Variants in F10 observed in about 807,000 individuals in gnomAD.
The protein encoded by F10 is Stuart-Prower factor.
A neutral mutation model predicts 37.1 loss-of-function variants in F10; 29 were observed. The ratio of observed to expected loss-of-function variants is 0.78; its 90% CI spans 0.58 to 1.07. F10 has a LOEUF of 1.07. Among genes scored for constraint, F10 ranks in the 50% least tolerant of loss-of-function variants. The pLI is 0.00. For synonymous variants in F10, 262 were observed against 268.6 expected (o/e 0.98, Z 0.24); for missense variants, 539 against 667.9 (o/e 0.81, Z 2.13).
At chr13:113,127,741 CATGT>C (rs1263597797) in intron 1 of F10, among the ~76,000 whole-genome samples, 1 of 152,138 alleles carries the variant, frequency 6.6e-6, no homozygotes, top group Non-Finnish European at 1.5e-5. Flanking sequence ...TGAAAGTTGG[CATGT>C]ATGTGTGTCC....
chr13:113,145,126 C>T (rs1441631554), intron 6 of F10, among the ~76,000 whole-genome samples: 20 of 152,294 alleles, frequency 1.3e-4, no homozygotes, highest in Non-Finnish European at 1.9e-4. Context: ...GTGATCTGCC[C>T]ACCTCAGCCT....
At position 113,141,085 on chromosome 13, in the gene F10, C is replaced by T. The variant is rs757491176; in HGVS notation, c.502+35C>T. The T allele has an allele frequency of 1.3e-5, 21 of 1,611,186 alleles. No homozygotes were observed. The highest frequency in any genetic ancestry group is 3.3e-5 in the Admixed American group (2 of 59,972). On this transcript the variant is annotated intron_variant, in intron 5 of 7. Coordinates refer to ENST00000375559, the MANE Select transcript of F10 (RefSeq NM_000504.4). The surrounding 1 kb of genome is among the most constrained non-coding windows in gnomAD (Gnocchi z 5.4). The stretch of plus-strand genomic sequence containing the variant: ...ACGTTGGGCCACAGCCACCCGCTGC[C>T]GCTGGGCCGGGCCAGGGAGGACAAG...
rs138587138 is a variant in F10, at chr13:113,141,005, C to T, written c.457C>T (p.Arg153Cys). The change falls in exon 5 of 8, where the codon CGC becomes TGC. Residue 153 changes from arginine (R) to cysteine (C), a missense_variant. Arg to Cys is a radical substitution (Grantham distance 180). This residue lies in a region of F10 where 409 missense variants were observed against 547.9 expected (regional missense o/e 0.75). Transcript: ENST00000375559. The surrounding 1 kb of genome is among the most constrained non-coding windows in gnomAD (Gnocchi z 5.4). ...GAACTCTGTGGTGTGCTCCTGCGCC[C>T]GCGGGTACACCCTGGCTGACAACGG... is the stretch of plus-strand genomic sequence containing the variant. ...EQNSVVCSCA[R>C]GYTLADNGKA... The T allele has an allele frequency of 8.7e-6, 14 of 1,613,978 alleles. No homozygotes were observed. The African/African-American group carries it at 1.3e-4, about 15-fold the overall frequency.
In F10 at chr13:113,124,276, C is replaced by T. The variant is rs45524134; in HGVS notation, c.70+1351C>T. ...GATGAGAAGACAGGCCAGGAGCCCA[C>T]CCAGACCCACAGGAGGAAACTAGGG... On this transcript the variant is annotated intron_variant, in intron 1 of 7. Transcript: ENST00000375559. Among the ~76,000 whole-genome samples the T allele has an allele frequency of 5.4e-3, 824 of 152,326 alleles. 16 individuals carry two copies. In the South Asian group the frequency reaches 0.056, roughly 10 times the overall value.
chr13:113,148,778 C>T (rs2036609039), intron 7 of F10, 138 bp from the exon 8 acceptor site: 12 of 1,431,360 alleles, frequency 8.4e-6, no homozygotes, highest in Non-Finnish European at 9.4e-6. Flanking sequence ...TTGCACTTCC[C>T]TCTATTTTTC....
intron 1 of F10, among the ~76,000 whole-genome samples, chr13:113,126,204 T>C (rs563573490): frequency 6.6e-6 from 1 of 152,216 alleles, no homozygotes; most frequent in South Asian, 2.1e-4. Flanking sequence ...AGGCAGATTC[T>C]GGGTAGTCCT....
intron 2 of F10, among the ~76,000 whole-genome samples, chr13:113,134,798 G>A (rs190643332): frequency 6.6e-6 from 1 of 152,138 alleles, no homozygotes; most frequent in East Asian, 1.9e-4. Flanking sequence ...TTGCTTCAAA[G>A]AAAATTATAT....
intron 1 of F10, among the ~76,000 whole-genome samples, chr13:113,126,365 G>T (rs2036370172): frequency 6.6e-6 from 1 of 152,206 alleles, no homozygotes; most frequent in Admixed American, 6.5e-5. Flanking sequence ...GCGGGAACTG[G>T]ACAGGGGCTG....
intron 1 of F10, among the ~76,000 whole-genome samples, chr13:113,123,996 T>A (rs944804695): frequency 4.6e-5 from 7 of 152,118 alleles, no homozygotes; most frequent in African/African-American, 1.7e-4. Context: ...TGGGATGAGA[T>A]CAGCGTGGGT....
At position 113,129,304 on chromosome 13, in the gene F10, C is replaced by A. The variant is rs1008536248; in HGVS notation, c.71-148C>A. 18 of 997,416 alleles carry A rather than the reference C, an allele frequency of 1.8e-5. No individual in the cohort carries two copies. In the African/African-American group the frequency reaches 2.9e-4, roughly 16 times the overall value. The allele number at this position is 997,416 out of a possible 1,614,324, so 61.8% of individuals were successfully genotyped here. ...ACGGGTCCACTCAGTGAGTTGGGGG[C>A]TTAGAATTTTATTTTTGGTTTACAA... On this transcript the variant is annotated intron_variant, in intron 1 of 7. Coordinates refer to ENST00000375559, the MANE Select transcript of F10 (RefSeq NM_000504.4).
rs374448450 is a variant in F10 at position 113,122,939 on chromosome 13, G to A, written c.70+14G>A. On this transcript the variant is annotated intron_variant, in intron 1 of 7. Transcript: ENST00000375559. ...TCGGGGAAAGTCGTAAGTGCCCCTCGCCCTTCAGACCCAAAAGCAGCGCCA... is the reference window on the plus strand; with the variant it reads ...TCGGGGAAAGTCGTAAGTGCCCCTCACCCTTCAGACCCAAAAGCAGCGCCA... The A allele has an allele frequency of 4.0e-5, 65 of 1,607,822 alleles. No homozygotes were observed. Among genetic ancestry groups the A allele is most frequent in the Admixed American group, 1.7e-4 (10 of 59,962 alleles).
At chr13:113,125,742 A>G (rs1403557982) in intron 1 of F10, among the ~76,000 whole-genome samples, 1 of 152,246 alleles carries the variant, frequency 6.6e-6, no homozygotes, top group African/African-American at 2.4e-5. Context: ...CAGGCACGCC[A>G]TCTTTCCTTC....
At chr13:113,140,874 C>T (rs1273661683) in intron 4 of F10, 45 bp from the exon 5 acceptor site, 2 of 1,613,620 alleles carry the variant, frequency 1.2e-6, no homozygotes, top group South Asian at 2.2e-5. Context: ...GCCCAGCCTC[C>T]ATTTCTCCAG....
chr13:113,142,985 G>A (rs1422482251), intron 5 of F10, among the ~76,000 whole-genome samples: 1 of 152,120 alleles, frequency 6.6e-6, no homozygotes, highest in East Asian at 1.9e-4. Context: ...GAACTTGGAA[G>A]GGTGGTGACT....
rs747057515 is a variant in F10 at position 113,149,022 on chromosome 13, C to G, written c.972C>G (p.Ala324=). 1.2e-6 allele frequency: 2 copies of G among 1,613,486 alleles called. No homozygotes were observed. The highest frequency in any genetic ancestry group is 2.2e-5 in the East Asian group (1 of 44,860). ...FTKETYDFDI[A]VLRLKTPITF... ...AGGAGACCTATGACTTCGACATCGC[C>G]GTGCTCCGGCTCAAGACCCCCATCA... Residue 324 remains alanine, a synonymous_variant, in exon 8 of 8, where the codon GCC becomes GCG. Coordinates refer to ENST00000375559, the MANE Select transcript of F10 (RefSeq NM_000504.4). The surrounding 1 kb of genome is among the most constrained non-coding windows in gnomAD (Gnocchi z 7.5).
intron 4 of F10, chr13:113,140,375 C>T (rs993730802): frequency 1.3e-5 from 5 of 390,462 alleles, no homozygotes; most frequent in African/African-American, 4.1e-5. Flanking sequence ...GGCACAGCGC[C>T]GGCCTAATTG....
At chr13:113,136,295 C>T (rs1230860863) in intron 2 of F10, among the ~76,000 whole-genome samples, 2 of 152,016 alleles carry the variant, frequency 1.3e-5, no homozygotes, top group Admixed American at 6.6e-5. Context: ...CAAAATGGCA[C>T]GGCCACTTTG....
Position 113,143,962 on chromosome 13 carries a change from C to T in F10, c.614C>T (p.Ala205Val). The T allele has an allele frequency of 6.2e-7, 1 of 1,612,292 alleles. No individual in the cohort carries two copies. The highest frequency in any genetic ancestry group is 8.5e-7 in the Non-Finnish European group (1 of 1,179,646). The change falls in exon 6 of 8, where the codon GCA becomes GTA. Residue 205 changes from alanine (A) to valine (V), a missense_variant. By Grantham distance (64) the Ala-to-Val change is moderately conservative. This residue lies in a region of F10 where 409 missense variants were observed against 547.9 expected (regional missense o/e 0.75). Transcript: ENST00000375559. This position sits in a 1 kb window ranked among gnomAD's most constrained non-coding sequence, Gnocchi z 6.8. ...AGCATCACATGGAAGCCATATGATG[C>T]AGCCGACCTGGACCCCACCGAGAAC... ...PDSITWKPYD[A>V]ADLDPTENPF...
chr13:113,125,565 G>A (rs981886491), intron 1 of F10, among the ~76,000 whole-genome samples: 1 of 152,226 alleles, frequency 6.6e-6, no homozygotes, highest in Non-Finnish European at 1.5e-5. Context: ...TGAGACAAGT[G>A]CCTAAAAACC....
Sources: gnomAD v4.1 joint callset for allele counts (sites outside exome capture counted in the v4.1 genomes callset) on GRCh38, gnomAD v4.1.1 for gene constraint, gnomAD v4.1.1 regional missense constraint, Gnocchi (gnomAD v3.1) non-coding constraint, MANE v1.5 for transcripts, NCBI Gene and HGNC (gene_info 2026-07-23, HGNC 2026-07-21) for gene names.